The following MTHFD1 variants were observed in gnomAD, a reference collection of about 807,000 sequenced individuals.
MTHFD1 encodes methylenetetrahydrofolate dehydrogenase, cyclohydrolase and formyltetrahydrofolate synthetase 1, also known as C-1-tetrahydrofolate synthase, cytoplasmic.
MTHFD1 carries 44 observed loss-of-function variants against 110.3 expected under a neutral mutation model. The observed-to-expected ratio is 0.40, with a 90% confidence interval of 0.31 to 0.51. The LOEUF is 0.51. Ranked by LOEUF, MTHFD1 falls within the 20% of genes least tolerant of loss-of-function variation. MTHFD1 has a pLI of 0.60. For synonymous variants in MTHFD1, 402 were observed against 428.8 expected (o/e 0.94, Z 0.77); for missense variants, 909 against 1,173.1 (o/e 0.77, Z 3.29).
chr14:64,437,497 G>C (rs1367302044), intron 16 of MTHFD1, among the ~76,000 whole-genome samples: 1 of 152,166 alleles, frequency 6.6e-6, no homozygotes, highest in Non-Finnish European at 1.5e-5. Context: ...CAACAATTCA[G>C]CTTTCACTTC....
intron 1 of MTHFD1, among the ~76,000 whole-genome samples, chr14:64,391,330 A>G (rs758426917): frequency 6.6e-6 from 1 of 151,954 alleles, no homozygotes; most frequent in African/African-American, 2.4e-5. Context: ...ATGCCCGGCT[A>G]ATTTTTGAAT....
intron 1 of MTHFD1, among the ~76,000 whole-genome samples, chr14:64,397,172 TATATATATATATATATATAAA>T (rs1263064260): frequency 2.2e-4 from 5 of 22,236 alleles, no homozygotes; most frequent in African/African-American, 1.3e-3. Context: ...TATATATATA[TATATATATATATATATATAAA>T]AAACAGTAAT....
At chr14:64,407,736 T>G (rs938235701) in intron 2 of MTHFD1, among the ~76,000 whole-genome samples, 36 of 151,848 alleles carry the variant, frequency 2.4e-4, no homozygotes, top group Non-Finnish European at 7.4e-5. Context: ...TTTGTAGAGA[T>G]GGGGTTTCGA....
At chr14:64,404,004 C>T (rs989284730) in intron 2 of MTHFD1, among the ~76,000 whole-genome samples, 8 of 152,174 alleles carry the variant, frequency 5.3e-5, no homozygotes, top group African/African-American at 1.9e-4. Context: ...CACTAGTAGT[C>T]TTACACACCA....
At chr14:64,400,703 C>A in intron 1 of MTHFD1, 90 bp from the exon 2 acceptor site, 1 of 888,390 alleles carries the variant, frequency 1.1e-6, no homozygotes, top group African/African-American at 1.7e-5. Context: ...AACAAACAAA[C>A]AAATAAAAGA....
At chr14:64,422,322 T>G (rs142365263) in intron 8 of MTHFD1, among the ~76,000 whole-genome samples, 72 of 152,212 alleles carry the variant, frequency 4.7e-4, no homozygotes, top group Non-Finnish European at 9.0e-4. Context: ...AAGCAAACTT[T>G]TCTACCACCG....
chr14:64,455,094 G>C, intron 26 of MTHFD1: 1 of 564,762 alleles, frequency 1.8e-6, no homozygotes. Context: ...ATGATGCCAG[G>C]ACTACTCATA....
intron 12 of MTHFD1, among the ~76,000 whole-genome samples, chr14:64,429,261 A>AACAGATAT (rs11158541): frequency 9.2e-6 from 1 of 108,220 alleles, no homozygotes; most frequent in African/African-American, 3.4e-5. Flanking sequence ...TGTCTAAAAA[A>AACAGATAT]ATATATATCT....
At chr14:64,441,744 A>T in intron 19 of MTHFD1, 1 of 545,076 alleles carries the variant, frequency 1.8e-6, no homozygotes, top group African/African-American at 1.9e-5. Flanking sequence ...CAGAGCTTGC[A>T]GTGAGCCGAG....
At chr14:64,430,041 T>C (rs2078145635) in intron 12 of MTHFD1, 143 bp from the exon 13 acceptor site, 2 of 791,842 alleles carry the variant, frequency 2.5e-6, no homozygotes, top group East Asian at 5.1e-5. Context: ...TAGAAAACAC[T>C]TGATCAAAAC....
At position 64,448,374 on chromosome 14, in the gene MTHFD1, G is replaced by A. The variant is rs187778347; in HGVS notation, c.2279+57G>A. 28 of 1,273,564 alleles carry A rather than the reference G, an allele frequency of 2.2e-5. No homozygotes were observed. In the African/African-American group the frequency reaches 3.7e-4, roughly 17 times the overall value. 78.9% of individuals were successfully genotyped at this position (1,273,564 alleles called of 1,614,324 possible). ...TGTGGAAAATCTCCTGGAGCTGATT[G>A]TACAGCACTGCTTTTAGCTTTATTT... On this transcript the variant is annotated intron_variant, in intron 23 of 27. Transcript: ENST00000652337.
In MTHFD1 at chr14:64,444,727, T is replaced by C; in HGVS notation, c.2171T>C (p.Ile724Thr). The change falls in exon 22 of 28, where the codon ATA (isoleucine) becomes ACA (threonine). Residue 724 changes from isoleucine to threonine, a missense_variant. Physicochemically the swap from Ile to Thr is moderately conservative, Grantham distance 89. Around this residue, in one of 3 missense-constraint regions of MTHFD1, gnomAD observed 482 missense variants for 646.0 expected, o/e 0.75. Coordinates refer to ENST00000652337, the MANE Select transcript of MTHFD1 (RefSeq NM_005956.4). ...GGACTGCCTCTTCCCAAGGCTTACA[T>C]ACAGGAGGTAACCTGAGTTATTTCT... ...TAGLPLPKAY[I>T]QENLELVEKG... The C allele has an allele frequency of 6.2e-7, 1 of 1,614,086 alleles. No homozygotes were observed. Among genetic ancestry groups the C allele is most frequent in the Non-Finnish European group, 8.5e-7 (1 of 1,179,964 alleles).
chr14:64,402,601 A>G (rs2077906016), intron 2 of MTHFD1, among the ~76,000 whole-genome samples: 1 of 152,144 alleles, frequency 6.6e-6, no homozygotes, highest in Non-Finnish European at 1.5e-5. Context: ...AACAAGGCAA[A>G]AAAGCACAAG....
intron 1 of MTHFD1, among the ~76,000 whole-genome samples, chr14:64,399,107 C>A (rs892938334): frequency 6.6e-6 from 1 of 152,134 alleles, no homozygotes; most frequent in Non-Finnish European, 1.5e-5. Context: ...ATTGATTTAT[C>A]ATTCAACCTT....
At chr14:64,457,473 T>C (rs968403271) in intron 26 of MTHFD1, among the ~76,000 whole-genome samples, 1 of 151,622 alleles carries the variant, frequency 6.6e-6, no homozygotes, top group Admixed American at 6.6e-5. Context: ...TTTTTTTTTT[T>C]GAGATGGAGT....
intron 13 of MTHFD1, 112 bp downstream of exon 13, chr14:64,430,342 GA>G: frequency 4.9e-6 from 5 of 1,023,268 alleles, no homozygotes; most frequent in South Asian, 2.5e-5. Flanking sequence ...CTGTTGCCCA[GA>G]GCTGGAGTGC....
At chr14:64,454,909 T>A (rs377530763) in intron 26 of MTHFD1, 34 bp downstream of exon 26, 1 of 1,609,950 alleles carries the variant, frequency 6.2e-7, no homozygotes, top group Non-Finnish European at 8.5e-7. Context: ...AGTGGGCGCA[T>A]CTGCACTTCT....
At chr14:64,401,984 C>T (rs912148095) in intron 2 of MTHFD1, among the ~76,000 whole-genome samples, 1 of 152,188 alleles carries the variant, frequency 6.6e-6, no homozygotes, top group Non-Finnish European at 1.5e-5. Flanking sequence ...TGGCTTCATA[C>T]AGATGTGTAG....
chr14:64,453,332 G>A (rs1273284937), intron 24 of MTHFD1, among the ~76,000 whole-genome samples: 1 of 152,068 alleles, frequency 6.6e-6, no homozygotes, highest in Non-Finnish European at 1.5e-5. Flanking sequence ...AGCACTTTGG[G>A]AGGCCAAGGC....
Sources: gnomAD v4.1 joint callset for allele counts (sites outside exome capture counted in the v4.1 genomes callset) on GRCh38, gnomAD v4.1.1 for gene constraint, gnomAD v4.1.1 regional missense constraint, MANE v1.5 for transcripts, NCBI Gene and HGNC (gene_info 2026-07-23, HGNC 2026-07-21) for gene names.